Variants in TRPV3 observed in about 807,000 individuals in gnomAD.
The protein encoded by TRPV3 is VRL-3.
TRPV3 carries 88 observed loss-of-function variants against 87.1 expected under a neutral mutation model. The observed-to-expected ratio is 1.01, with a 90% CI of 0.85 to 1.21. The LOEUF is 1.21. TRPV3 is among the 50% of genes most tolerant of loss of function. The pLI is 0.00. For missense variants in TRPV3, 1,054 were observed against 1,030.1 expected (o/e 1.02, Z -0.32); for synonymous variants, 438 against 423.3 (o/e 1.03, Z -0.43).
At chr17:3,551,605 A>C (rs2074574864) in intron 2 of TRPV3, among the ~76,000 whole-genome samples, 1 of 152,206 alleles carries the variant, frequency 6.6e-6, no homozygotes, top group Non-Finnish European at 1.5e-5. Context: ...TGTGCCAAGA[A>C]ATGCCCAAGT....
At chr17:3,516,631 A>T (rs986294538) in intron 15 of TRPV3, 62 bp from the exon 16 acceptor site, 30 of 1,243,944 alleles carry the variant, frequency 2.4e-5, no homozygotes, top group Non-Finnish European at 3.3e-5. Flanking sequence ...ACAAGGGCAC[A>T]CACACTGTCG....
At chr17:3,555,887 G>A (rs2074625960) in intron 1 of TRPV3, among the ~76,000 whole-genome samples, 1 of 151,932 alleles carries the variant, frequency 6.6e-6, no homozygotes, top group Admixed American at 6.6e-5. Flanking sequence ...CATAAGAGCT[G>A]TGGCTTCAGG....
At chr17:3,525,681 A>G (rs2074293708) in intron 12 of TRPV3, among the ~76,000 whole-genome samples, 1 of 150,144 alleles carries the variant, frequency 6.7e-6, no homozygotes, top group Admixed American at 6.7e-5. Context: ...GTACAGTGGC[A>G]TGATCTCGGC....
intron 16 of TRPV3, among the ~76,000 whole-genome samples, chr17:3,515,091 G>C (rs1181083885): frequency 1.3e-5 from 2 of 152,178 alleles, no homozygotes; most frequent in African/African-American, 2.4e-5. Flanking sequence ...CCTGTGGTTA[G>C]GGTCAGTGCC....
rs987531575 is a variant in TRPV3 at position 3,518,982 on chromosome 17, A to C, written c.1811-132T>G. 6 of 1,037,562 alleles carry C rather than the reference A, an allele frequency of 5.8e-6. No homozygotes were observed. Among genetic ancestry groups the C allele is most frequent in the Non-Finnish European group, 8.2e-6 (6 of 733,108 alleles). The allele number at this position is 1,037,562 out of a possible 1,614,324, so 64.3% of individuals were successfully genotyped here. A position where few individuals can be genotyped will look rare whatever the true frequency, so the allele number is the denominator to read the frequency against. ...GCCATTAAATCCCATCTCCAGTTTC[A>C]GGTCCTCTCAAAGCCTCATCAGGCT... On this transcript the variant is annotated intron_variant, in intron 14 of 17. Coordinates refer to ENST00000576742, the MANE Select transcript of TRPV3 (RefSeq NM_145068.4). The surrounding 1 kb of genome is among the most constrained non-coding windows in gnomAD (Gnocchi z 4.3).
chr17:3,530,186 G>A lies in TRPV3; in HGVS notation c.1083C>T (p.Leu361=), dbSNP rs193231694. The part of the protein sequence containing the change: ...MGKAEILKYI[L]SREIKEKRLR... ...GCCGCTTCTCCTTGATCTCACGACT[G>A]AGGATGTACTTCAGGATCTGGGACA... The change falls in exon 9 of 18, where the codon CTC becomes CTT. Residue 361 remains leucine, a synonymous_variant. Coordinates refer to ENST00000576742, the MANE Select transcript of TRPV3 (RefSeq NM_145068.4). This position sits in a 1 kb window ranked among gnomAD's most constrained non-coding sequence, Gnocchi z 4.0. The A allele has an allele frequency of 9.9e-5, 159 of 1,612,994 alleles. 3 individuals are homozygous for A. The East Asian group carries it at 1.3e-3, about 14-fold the overall frequency.
Position 3,532,931 on chromosome 17 carries a change from G to T in TRPV3, c.791C>A (p.Thr264Lys), listed in dbSNP as rs4790513. ...YQHEGFYFGE[T>K]PLALAACTNQ... is the part of the protein sequence containing the mutation. ...GGTGCATGCTGCCAGGGCCAGGGGC[G>T]TCTCACCTGGGGGATGAGCGCACTG... Residue 264 changes from threonine (T) to lysine (K), a missense_variant, in exon 8 of 18, where the codon ACG (threonine) becomes AAG (lysine). Thr to Lys is a moderately conservative substitution (Grantham distance 78). Coordinates refer to ENST00000576742, the MANE Select transcript of TRPV3 (RefSeq NM_145068.4). 5 of 1,613,756 alleles carry T rather than the reference G, an allele frequency of 3.1e-6. No homozygotes were observed. Among genetic ancestry groups the T allele is most frequent in the Non-Finnish European group, 4.2e-6 (5 of 1,179,986 alleles).
chr17:3,519,912 GGAT>G (rs2074230331), intron 14 of TRPV3, among the ~76,000 whole-genome samples: 1 of 146,976 alleles, frequency 6.8e-6, no homozygotes, highest in African/African-American at 2.5e-5. Flanking sequence ...TTAGATGGAT[GGAT>G]GGATGGATGG....
chr17:3,523,907 T>C (rs79350738), intron 13 of TRPV3, among the ~76,000 whole-genome samples: 7,578 of 149,896 alleles, frequency 0.051, 628 homozygotes, highest in African/African-American at 0.17. Flanking sequence ...CACACACACA[T>C]ACACACACAC....
intron 2 of TRPV3, among the ~76,000 whole-genome samples, chr17:3,551,325 C>T (rs1213202422): frequency 6.6e-6 from 1 of 152,214 alleles, no homozygotes; most frequent in Non-Finnish European, 1.5e-5. Context: ...CCTGCGCCCG[C>T]CCTACTGGTC....
At chr17:3,524,084 A>C (rs2074271592) in intron 13 of TRPV3, 114 bp downstream of exon 13, 20 of 1,363,718 alleles carry the variant, frequency 1.5e-5, no homozygotes, top group Non-Finnish European at 2.0e-5. Context: ...ATTTGGGAGA[A>C]AGAGCAGTGA....
intron 3 of TRPV3, among the ~76,000 whole-genome samples, chr17:3,544,928 C>T (rs908091383): frequency 3.3e-5 from 5 of 152,118 alleles, no homozygotes; most frequent in South Asian, 2.1e-4. Flanking sequence ...GCAGGAGAAT[C>T]GCTTAAACCT....
chr17:3,537,229 G>A (rs1190131258), intron 6 of TRPV3, among the ~76,000 whole-genome samples: 1 of 152,008 alleles, frequency 6.6e-6, no homozygotes, highest in African/African-American at 2.4e-5. Context: ...GGGCTCAAAC[G>A]ATCCTCCTGT....
intron 13 of TRPV3, among the ~76,000 whole-genome samples, chr17:3,522,685 T>TGGTGG (rs1170450488): frequency 6.6e-6 from 1 of 151,250 alleles, no homozygotes; most frequent in African/African-American, 2.4e-5. Flanking sequence ...CTGGGCATGG[T>TGGTGG]GCATGCCTGT....
At chr17:3,551,375 G>A (rs56066013) in intron 2 of TRPV3, among the ~76,000 whole-genome samples, 44,834 of 152,132 alleles carry the variant, frequency 0.29, 7,284 homozygotes, top group East Asian at 0.46. Context: ...ATAAGCACAT[G>A]GCAAGGCCTT....
intron 12 of TRPV3, among the ~76,000 whole-genome samples, chr17:3,526,484 A>G (rs1476806073): frequency 1.6e-5 from 2 of 124,810 alleles, no homozygotes; most frequent in Admixed American, 7.4e-5. Flanking sequence ...ACCTCAACTA[A>G]AAAAAAAAAA....
At chr17:3,520,894 C>T (rs948405848) in intron 14 of TRPV3, 79 bp downstream of exon 14, 50 of 943,882 alleles carry the variant, frequency 5.3e-5, no homozygotes, top group Middle Eastern at 5.3e-4. Flanking sequence ...TTGCCAAGGC[C>T]GCCATGCACT....
chr17:3,545,796 T>G (rs2074518065), intron 2 of TRPV3, among the ~76,000 whole-genome samples: 1 of 142,580 alleles, frequency 7.0e-6, no homozygotes, highest in Admixed American at 7.2e-5. Context: ...CTGGCCAACA[T>G]GGCGAAACTC....
chr17:3,519,850 CTGGATGGATGGATGGA>C (rs61346728), intron 14 of TRPV3, among the ~76,000 whole-genome samples: 18 of 107,668 alleles, frequency 1.7e-4, no homozygotes, highest in Non-Finnish European at 2.9e-4. Context: ...GGATGGATGA[CTGGATGGATGGATGGA>C]TGGATGGATG....
Sources: gnomAD v4.1 joint callset for allele counts (sites outside exome capture counted in the v4.1 genomes callset) on GRCh38, gnomAD v4.1.1 for gene constraint, Gnocchi (gnomAD v3.1) non-coding constraint, MANE v1.5 for transcripts, NCBI Gene and HGNC (gene_info 2026-07-23, HGNC 2026-07-21) for gene names.